SP6: variants seen among roughly 807,000 people sequenced by gnomAD.
SP6 encodes the protein transcription factor Sp6.
In SP6, 10 loss-of-function variants were observed where a neutral mutation model predicts 23.4. That is an observed-to-expected ratio of 0.43 (90% CI 0.26 to 0.72). The LOEUF (loss-of-function observed/expected upper bound fraction) is 0.72. Among genes scored for constraint, SP6 ranks in the 30% least tolerant of loss-of-function variants. The probability of loss-of-function intolerance (pLI) is 0.23; values close to 1 mark genes in which losing one functional copy is unlikely to be tolerated. For missense variants in SP6, 482 were observed against 523.8 expected, an observed-to-expected ratio of 0.92 and a Z score of 0.78; for synonymous variants, 238 against 238.7, an observed-to-expected ratio of 1.00 and a Z score of 0.03.
chr17:47,848,173 G>T lies in SP6; in HGVS notation c.257C>A (p.Pro86His), dbSNP rs1490747300. The T allele has an allele frequency of 9.3e-6, 15 of 1,613,328 alleles. No homozygotes were observed. The highest frequency in any genetic ancestry group is 1.3e-5 in the African/African-American group (1 of 75,060). The change falls in exon 2 of 2, where the codon CCC (proline) becomes CAC (histidine). Residue 86 changes from proline to histidine, a missense_variant. Pro to His is a moderately conservative substitution (Grantham distance 77). Around this residue, in one of 3 missense-constraint regions of SP6, gnomAD observed 330 missense variants for 332.3 expected, o/e 0.99. Transcript: ENST00000536300. The surrounding 1 kb of genome is among the most constrained non-coding windows in gnomAD (Gnocchi z 5.3). ...CTTGGAAAAGGGGCCCGGGGCCAAG[G>T]GACTGTCGCTTTCCAGGTCCTCGCA... ...VTCEDLESDSPLAPGPFSKLL... is the reference protein window; with the variant it reads ...VTCEDLESDSHLAPGPFSKLL...
chr17:47,866,690 C>A, the SP6 span, among the ~76,000 whole-genome samples: 1 of 152,132 alleles, frequency 6.6e-6, no homozygotes, highest in Non-Finnish European at 1.5e-5. Context: ...ACCCATCTTC[C>A]CCCAGGCACG....
At chr17:47,867,280 G>C in the SP6 span, among the ~76,000 whole-genome samples, 1 of 152,196 alleles carries the variant, frequency 6.6e-6, no homozygotes, top group African/African-American at 2.4e-5. Context: ...GGGGTCAGAA[G>C]AGGGGATGTG....
At position 47,846,463 on chromosome 17, in the gene SP6, G is replaced by C. The variant is rs1043035485; in HGVS notation, c.*836C>G. ...AGACTACTGAACTTTATTTATCATAGACCAAGAATTAAGGGCTGAATCAGA... is the reference window on the plus strand; with the variant it reads ...AGACTACTGAACTTTATTTATCATACACCAAGAATTAAGGGCTGAATCAGA... On this transcript the variant is annotated 3_prime_UTR_variant, in exon 2 of 2. Transcript: ENST00000536300. The C allele has an allele frequency of 2.6e-5, 4 of 152,192 alleles. No homozygotes were observed. Among genetic ancestry groups the C allele is most frequent in the African/African-American group, 9.7e-5 (4 of 41,434 alleles). The allele number at this position is 152,192 out of a possible 1,614,324, so 9.4% of individuals were successfully genotyped here. A position where few individuals can be genotyped will look rare whatever the true frequency, so the allele number is the denominator to read the frequency against.
chr17:47,847,322 C>T lies in SP6; in HGVS notation c.1108G>A (p.Gly370Ser), dbSNP rs746272547. Reference sequence around the variant, plus strand: ...GCTCAGTTGGAGGGAGCCACGCTGCCCTCGGCCTCGCGTTTGCCTTTGCCC... The same window carrying T: ...GCTCAGTTGGAGGGAGCCACGCTGCTCTCGGCCTCGCGTTTGCCTTTGCCC... ...PGGKGKREAE[G>S]SVAPSN Residue 370 changes from glycine to serine, a missense_variant, in exon 2 of 2, where the codon GGC (glycine) becomes AGC (serine). This residue lies in a region of SP6 where 101 missense variants were observed against 99.3 expected (regional missense o/e 1.02). Coordinates refer to ENST00000536300, the MANE Select transcript of SP6 (RefSeq NM_001258248.2). The T allele has an allele frequency of 1.3e-6, 2 of 1,570,852 alleles. No homozygotes were observed. Among genetic ancestry groups the T allele is most frequent in the Middle Eastern group, 1.8e-4 (1 of 5,476 alleles).
chr17:47,849,580 T>A (rs12452062), intron 1 of SP6, among the ~76,000 whole-genome samples: 3,271 of 152,264 alleles, frequency 0.021, 126 homozygotes, highest in African/African-American at 0.075. Flanking sequence ...TCCAGGCCAA[T>A]CTTCTTATTT....
At chr17:47,857,613 C>T (rs1043835667), upstream of SP6, among the ~76,000 whole-genome samples, 1 of 152,162 alleles carries the variant, frequency 6.6e-6, no homozygotes, top group Admixed American at 6.5e-5. Flanking sequence ...CCTGCCTGGA[C>T]AGCAATGAAC....
chr17:47,858,612 G>A (rs1402195512), upstream of SP6, among the ~76,000 whole-genome samples: 1 of 152,042 alleles, frequency 6.6e-6, no homozygotes, highest in African/African-American at 2.4e-5. Context: ...TGACAAATGA[G>A]GTGGAAATGG....
intron 1 of SP6, among the ~76,000 whole-genome samples, chr17:47,849,100 A>G (rs1008559725): frequency 6.6e-6 from 1 of 152,034 alleles, no homozygotes; most frequent in Admixed American, 6.5e-5. Flanking sequence ...CGGGCCCACT[A>G]AACCGACTCA....
chr17:47,848,175 ACTGTCG>A lies in SP6; in HGVS notation c.249_254del (p.Asp84_Ser85del), dbSNP rs759251381. ...TGGAAAAGGGGCCCGGGGCCAAGGG[ACTGTCG>A]CTTTCCAGGTCCTCGCAGGTTACCC... On this transcript the variant is annotated inframe_deletion, in exon 2 of 2. Transcript: ENST00000536300. The surrounding 1 kb of genome is among the most constrained non-coding windows in gnomAD (Gnocchi z 5.3). The A allele has an allele frequency of 6.2e-7, 1 of 1,613,194 alleles. No homozygotes were observed. The highest frequency in any genetic ancestry group is 1.7e-5 in the Admixed American group (1 of 60,030).
chr17:47,870,498 GC>G, the SP6 span, among the ~76,000 whole-genome samples: 1 of 152,112 alleles, frequency 6.6e-6, no homozygotes, highest in Non-Finnish European at 1.5e-5. Context: ...GAGGGAGAGG[GC>G]TTTGAGCTGG....
Position 47,847,681 on chromosome 17 carries a change from T to C in SP6, c.749A>G (p.Lys250Arg). 1 of 1,610,476 alleles carries C rather than the reference T, an allele frequency of 6.2e-7. No homozygotes were observed. The highest frequency in any genetic ancestry group is 8.5e-7 in the Non-Finnish European group (1 of 1,178,148). Residue 250 changes from lysine to arginine, a missense_variant, in exon 2 of 2, where the codon AAG becomes AGG. Coordinates refer to ENST00000536300, the MANE Select transcript of SP6 (RefSeq NM_001258248.2). The stretch of plus-strand genomic sequence containing the variant: ...GATGTGGCAGTTGTGCAAATGCTTC[T>C]TCTTGCCCCCATCGGGCCCACATGG... Reference protein sequence around the residue: ...GAPCGPDGGKKKHLHNCHIPG... With the variant: ...GAPCGPDGGKRKHLHNCHIPG...
the SP6 span, among the ~76,000 whole-genome samples, chr17:47,867,293 AG>A: frequency 6.6e-6 from 1 of 151,960 alleles, no homozygotes; most frequent in Non-Finnish European, 1.5e-5. Flanking sequence ...GGGATGTGGG[AG>A]GGTGAAGAGA....
upstream of SP6, among the ~76,000 whole-genome samples, chr17:47,852,062 G>T (rs2033962758): frequency 1.3e-5 from 2 of 152,078 alleles, no homozygotes; most frequent in African/African-American, 4.8e-5. Context: ...CTGAAGAATG[G>T]GCAGGCGCCT....
At chr17:47,867,377 G>A in the SP6 span, among the ~76,000 whole-genome samples, 1 of 152,110 alleles carries the variant, frequency 6.6e-6, no homozygotes, top group East Asian at 1.9e-4. Flanking sequence ...CAGGGTCCTG[G>A]TTGTCAATTC....
the SP6 span, among the ~76,000 whole-genome samples, chr17:47,874,011 T>C: frequency 1.3e-5 from 2 of 150,164 alleles, no homozygotes; most frequent in Non-Finnish European, 3.0e-5. Flanking sequence ...TTCTCCTTCC[T>C]CCCTCCTTCT....
the SP6 span, among the ~76,000 whole-genome samples, chr17:47,867,522 G>T: frequency 6.6e-6 from 1 of 152,184 alleles, no homozygotes; most frequent in Non-Finnish European, 1.5e-5. Flanking sequence ...ACTGAGTGAA[G>T]AACCCGTAAT....
At chr17:47,872,390 C>G in the SP6 span, among the ~76,000 whole-genome samples, 1 of 152,038 alleles carries the variant, frequency 6.6e-6, no homozygotes, top group African/African-American at 2.4e-5. Flanking sequence ...GGTTGTTTGC[C>G]GGGAAAGGAC....
the SP6 span, among the ~76,000 whole-genome samples, chr17:47,871,047 G>A: frequency 4.9e-4 from 74 of 152,246 alleles, 1 homozygote; most frequent in African/African-American, 1.6e-3. Flanking sequence ...ACCCTCGATC[G>A]AGTATTCCAG....
chr17:47,848,482 G>T lies in SP6; in HGVS notation c.-53C>A, dbSNP rs1362837320. Reference sequence around the variant, plus strand: ...AGGGACGGTCAGGGGCACCTCAGACGGGACCTAAAGGAGGCGAAGAAGCAG... The same window carrying T: ...AGGGACGGTCAGGGGCACCTCAGACTGGACCTAAAGGAGGCGAAGAAGCAG... On this transcript the variant is annotated 5_prime_UTR_variant, in exon 2 of 2. Coordinates refer to ENST00000536300, the MANE Select transcript of SP6 (RefSeq NM_001258248.2). The surrounding 1 kb of genome is among the most constrained non-coding windows in gnomAD (Gnocchi z 5.3). 3 of 1,426,968 alleles carry T rather than the reference G, an allele frequency of 2.1e-6. No homozygotes were observed. The highest frequency in any genetic ancestry group is 2.5e-5 in the East Asian group (1 of 39,650). The allele number at this position is 1,426,968 out of a possible 1,614,324, so 88.4% of individuals were successfully genotyped here. A position where few individuals can be genotyped will look rare whatever the true frequency, so the allele number is the denominator to read the frequency against.
Sources: gnomAD v4.1 joint callset for allele counts (sites outside exome capture counted in the v4.1 genomes callset) on GRCh38, gnomAD v4.1.1 for gene constraint, gnomAD v4.1.1 regional missense constraint, Gnocchi (gnomAD v3.1) non-coding constraint, MANE v1.5 for transcripts, NCBI Gene and HGNC (gene_info 2026-07-23, HGNC 2026-07-21) for gene names.